HS6ST3: variants seen among roughly 807,000 people sequenced by gnomAD.
The protein encoded by HS6ST3 is heparan sulfate 6-O-sulfotransferase 3.
A neutral mutation model predicts 36.7 loss-of-function variants in HS6ST3; 12 were observed. The observed-to-expected ratio is 0.33, with a 90% confidence interval of 0.21 to 0.53. The LOEUF (loss-of-function observed/expected upper bound fraction) is 0.53, where lower values mean the gene tolerates loss of function less well. HS6ST3 is among the 20% of genes least tolerant of loss of function. The pLI is 0.95. For missense variants in HS6ST3, 584 were observed against 640.9 expected (o/e 0.91, Z 0.96); for synonymous variants, 240 against 257.5 (o/e 0.93, Z 0.65).
chr13:96,378,946 G>A (rs1449845381), intron 1 of HS6ST3, among the ~76,000 whole-genome samples: 1 of 152,196 alleles, frequency 6.6e-6, no homozygotes, highest in Admixed American at 6.5e-5. Context: ...CCGGAGAGAT[G>A]TCCTACTCCT....
chr13:96,627,852 C>T (rs2056518510), intron 1 of HS6ST3, among the ~76,000 whole-genome samples: 1 of 151,774 alleles, frequency 6.6e-6, no homozygotes, highest in Non-Finnish European at 1.5e-5. Flanking sequence ...TTTTAAATGT[C>T]TTCTGCATCT....
chr13:96,447,392 G>A (rs960696851), intron 1 of HS6ST3, among the ~76,000 whole-genome samples: 1 of 152,092 alleles, frequency 6.6e-6, no homozygotes, highest in Non-Finnish European at 1.5e-5. Context: ...ATTGTTATAG[G>A]AGTTACTAAG....
intron 1 of HS6ST3, among the ~76,000 whole-genome samples, chr13:96,092,685 C>T (rs2053770639): frequency 6.6e-6 from 1 of 152,162 alleles, no homozygotes; most frequent in Non-Finnish European, 1.5e-5. Flanking sequence ...TTGCATTTGA[C>T]GTTATAGAAA....
chr13:96,511,412 T>C (rs1334586100), intron 1 of HS6ST3, among the ~76,000 whole-genome samples: 1 of 152,070 alleles, frequency 6.6e-6, no homozygotes, highest in African/African-American at 2.4e-5. Flanking sequence ...TAGCCCACAG[T>C]AGGCAGCAGT....
intron 1 of HS6ST3, among the ~76,000 whole-genome samples, chr13:96,747,661 A>AATAT (rs1031992308): frequency 6.6e-6 from 1 of 151,984 alleles, no homozygotes; most frequent in South Asian, 2.1e-4. Context: ...TCTAGCTACT[A>AATAT]ATATATATAT....
chr13:96,779,820 G>A (rs1469514279), intron 1 of HS6ST3, among the ~76,000 whole-genome samples: 2 of 151,736 alleles, frequency 1.3e-5, no homozygotes, highest in Non-Finnish European at 2.9e-5. Flanking sequence ...ATATTTGGAG[G>A]CATTTGCATC....
intron 1 of HS6ST3, among the ~76,000 whole-genome samples, chr13:96,749,077 G>A (rs1932500): frequency 0.45 from 68,245 of 151,866 alleles, 15,516 homozygotes; most frequent in African/African-American, 0.52. Context: ...AAAATTAACC[G>A]TTGATTCCAC....
At chr13:96,324,805 T>C (rs2055022390) in intron 1 of HS6ST3, among the ~76,000 whole-genome samples, 2 of 152,196 alleles carry the variant, frequency 1.3e-5, no homozygotes, top group Non-Finnish European at 2.9e-5. Flanking sequence ...AGGCCTAGAA[T>C]AGATTGTCTC....
At chr13:96,547,456 A>T (rs1045386905) in intron 1 of HS6ST3, among the ~76,000 whole-genome samples, 3 of 152,198 alleles carry the variant, frequency 2.0e-5, no homozygotes, top group Admixed American at 6.5e-5. Context: ...GTGTTAAATG[A>T]CAGGTACTAT....
intron 1 of HS6ST3, among the ~76,000 whole-genome samples, chr13:96,410,062 T>A (rs2055499573): frequency 6.6e-6 from 1 of 152,168 alleles, no homozygotes; most frequent in African/African-American, 2.4e-5. Context: ...CACATTCATA[T>A]GGAGAAAGAC....
intron 1 of HS6ST3, among the ~76,000 whole-genome samples, chr13:96,819,846 G>A (rs1878495636): frequency 6.6e-6 from 1 of 151,918 alleles, no homozygotes; most frequent in Non-Finnish European, 1.5e-5. Flanking sequence ...CTGAGGTCAG[G>A]AGTTTGAGAC....
At chr13:96,521,807 T>C (rs1022893396) in intron 1 of HS6ST3, among the ~76,000 whole-genome samples, 11 of 152,206 alleles carry the variant, frequency 7.2e-5, no homozygotes, top group African/African-American at 2.7e-4. Context: ...AACCATCTCC[T>C]GGATTTATTG....
intron 1 of HS6ST3, among the ~76,000 whole-genome samples, chr13:96,580,830 CTTTA>C (rs1246325522): frequency 2.0e-5 from 3 of 152,188 alleles, no homozygotes; most frequent in Admixed American, 6.5e-5. Context: ...CCACAGAATG[CTTTA>C]TTTATTTCAA....
At chr13:96,812,466 A>G (rs947919046) in intron 1 of HS6ST3, among the ~76,000 whole-genome samples, 3 of 152,158 alleles carry the variant, frequency 2.0e-5, no homozygotes, top group African/African-American at 7.2e-5. Flanking sequence ...CTATATAAAA[A>G]CACACCAATG....
intron 1 of HS6ST3, among the ~76,000 whole-genome samples, chr13:96,658,621 A>G (rs2056635559): frequency 6.7e-6 from 1 of 150,288 alleles, no homozygotes; most frequent in Non-Finnish European, 1.5e-5. Flanking sequence ...GGTTGTTTCC[A>G]GTTTCTGGAT....
At chr13:96,389,259 G>C (rs1166183824) in intron 1 of HS6ST3, among the ~76,000 whole-genome samples, 4 of 151,896 alleles carry the variant, frequency 2.6e-5, no homozygotes, top group Admixed American at 2.6e-4. Flanking sequence ...GATTTTAGCT[G>C]TTCTTGTCAT....
chr13:96,677,197 T>C (rs1227756093), intron 1 of HS6ST3, among the ~76,000 whole-genome samples: 1 of 152,144 alleles, frequency 6.6e-6, no homozygotes, highest in Non-Finnish European at 1.5e-5. Context: ...AAGTTATCTG[T>C]ATTTAATTGG....
chr13:96,217,563 G>A (rs939045020), intron 1 of HS6ST3, among the ~76,000 whole-genome samples: 2 of 151,972 alleles, frequency 1.3e-5, no homozygotes, highest in African/African-American at 2.4e-5. Context: ...CTCTCTCTCT[G>A]TCCATCCATC....
intron 1 of HS6ST3, among the ~76,000 whole-genome samples, chr13:96,609,291 G>T (rs1191118592): frequency 6.6e-6 from 1 of 152,018 alleles, no homozygotes; most frequent in East Asian, 1.9e-4. Context: ...AAAATAAAAA[G>T]AATTTTAAAA....
Sources: allele counts gnomAD v4.1 joint callset (sites outside exome capture counted in the v4.1 genomes callset), GRCh38; gene constraint gnomAD v4.1.1; transcripts MANE v1.5; gene names NCBI Gene and HGNC (gene_info 2026-07-23, HGNC 2026-07-21).